Variants in ABCG8 observed in about 807,000 individuals in gnomAD.
The protein encoded by ABCG8 is ATP-binding cassette sub-family G member 8.
Under a neutral mutation model 71.3 loss-of-function variants are expected in ABCG8, and 81 were observed. The ratio of observed to expected loss-of-function variants is 1.14; its 90% CI spans 0.95 to 1.37. ABCG8 has a LOEUF of 1.37. ABCG8 is among the 40% of genes most tolerant of loss of function. The pLI is 0.00. For missense variants in ABCG8, 1,119 were observed against 866.2 expected (o/e 1.29, Z -3.66); for synonymous variants, 451 against 354.7 (o/e 1.27, Z -3.05).
At chr2:43,855,912 G>A (rs1191834735) in intron 6 of ABCG8, among the ~76,000 whole-genome samples, 2 of 151,368 alleles carry the variant, frequency 1.3e-5, no homozygotes, top group Non-Finnish European at 2.9e-5. Flanking sequence ...CTCACCATGT[G>A]TATTGATCTC....
rs763640657 is a variant in ABCG8, at chr2:43,875,190, C to T, written c.1533C>T (p.Tyr511=). 2.7e-5 allele frequency: 43 copies of T among 1,614,234 alleles called. No individual in the cohort carries two copies. Among genetic ancestry groups the T allele is most frequent in the Non-Finnish European group, 3.0e-5 (35 of 1,180,046 alleles). ...LPEHCAYIII[Y]GMPTYWLANL... ...AGCACTGTGCCTACATCATCATCTA[C>T]GGGATGCCCACCTACTGGCTGGCCA... The change falls in exon 11 of 13, where the codon TAC becomes TAT. Residue 511 remains tyrosine, a synonymous_variant. Coordinates refer to ENST00000272286, the MANE Select transcript of ABCG8 (RefSeq NM_022437.3).
intron 2 of ABCG8, 45 bp from the exon 3 acceptor site, chr2:43,846,110 T>C: frequency 6.2e-7 from 1 of 1,609,906 alleles, no homozygotes; most frequent in Non-Finnish European, 8.5e-7. Context: ...TGAAGCCCTC[T>C]GAACCATTCA....
intron 3 of ABCG8, among the ~76,000 whole-genome samples, chr2:43,851,345 C>T (rs992882350): frequency 2.6e-5 from 4 of 152,218 alleles, no homozygotes; most frequent in East Asian, 1.9e-4. Flanking sequence ...GAACCCCCAG[C>T]GCCATCATGC....
At chr2:43,859,429 C>G (rs901929178) in intron 6 of ABCG8, among the ~76,000 whole-genome samples, 7 of 150,920 alleles carry the variant, frequency 4.6e-5, no homozygotes, top group Admixed American at 2.0e-4. Context: ...CTGCATAGAA[C>G]TCTCACTATC....
intron 3 of ABCG8, chr2:43,847,932 T>G (rs1040702719): frequency 6.6e-6 from 1 of 151,734 alleles, no homozygotes; most frequent in African/African-American, 2.4e-5. Context: ...GGCTCATTTT[T>G]TTTTGTATTT....
rs762440574 is a variant in ABCG8 at position 43,851,782 on chromosome 2, G to T, written c.521G>T (p.Arg174Leu). ...ACCTTGGCCTTCATTGCCCAGATGC[G>T]GCTGCCCAGAACCTTCTCCCAGGCC... ...RETLAFIAQM[R>L]LPRTFSQAQR... The change falls in exon 4 of 13, where the codon CGG (arginine) becomes CTG (leucine). Residue 174 changes from arginine to leucine, a missense_variant. By Grantham distance (102) the Arg-to-Leu change is moderately radical (BLOSUM62 -2). Transcript: ENST00000272286. 19 of 1,614,058 alleles carry T rather than the reference G, an allele frequency of 1.2e-5. No individual in the cohort carries two copies. In the Admixed American group the frequency reaches 3.2e-4, roughly 27 times the overall value.
rs59450458 is a variant in ABCG8, at chr2:43,874,528, T to C, written c.1488+45T>C. 9.5e-4 allele frequency: 1,397 copies of C among 1,472,540 alleles called. 14 individuals are homozygous for C. The African/African-American group carries it at 0.018, about 18-fold the overall frequency. The allele number at this position is 1,472,540 out of a possible 1,614,324, so 91.2% of individuals were successfully genotyped here. A position where few individuals can be genotyped will look rare whatever the true frequency, so the allele number is the denominator to read the frequency against. On this transcript the variant is annotated intron_variant, in intron 10 of 12. Coordinates refer to ENST00000272286, the MANE Select transcript of ABCG8 (RefSeq NM_022437.3). ...AGCAAGTGCCCCCCACCCACCAGGG[T>C]GGGGGTAAGTGTGGAGAAAACGTTG...
rs1669267581 is a variant in ABCG8, at chr2:43,860,367, A to C, written c.964+7499A>C. On this transcript the variant is annotated intron_variant, in intron 6 of 12. Transcript: ENST00000272286. ...CTCTCACTATTTGGATAGAATTCTCACTATCTGGATAAAAGTCTCACTCTC... is the reference window on the plus strand; with the variant it reads ...CTCTCACTATTTGGATAGAATTCTCCCTATCTGGATAAAAGTCTCACTCTC... Among the ~76,000 whole-genome samples, 5 of 148,298 alleles carry C rather than the reference A, an allele frequency of 3.4e-5. No individual in the cohort carries two copies. The South Asian group carries it at 1.1e-3, about 32-fold the overall frequency.
intron 6 of ABCG8, among the ~76,000 whole-genome samples, chr2:43,858,026 A>G (rs1390122087): frequency 2.0e-5 from 3 of 149,836 alleles, no homozygotes; most frequent in South Asian, 2.1e-4. Flanking sequence ...CTCTCAATAT[A>G]TATCTGGATA....
intron 2 of ABCG8, 101 bp downstream of exon 2, chr2:43,844,709 G>A: frequency 1.1e-6 from 1 of 875,462 alleles, no homozygotes. Context: ...CAGGCCCTCT[G>A]CCCGCAAGGA....
intron 6 of ABCG8, among the ~76,000 whole-genome samples, chr2:43,866,533 A>G (rs1669537596): frequency 6.6e-6 from 1 of 152,154 alleles, no homozygotes; most frequent in Non-Finnish European, 1.5e-5. Context: ...AAAGTGGGCG[A>G]AGGACATGAA....
intron 6 of ABCG8, among the ~76,000 whole-genome samples, chr2:43,863,996 C>T (rs1222206597): frequency 6.6e-6 from 1 of 151,522 alleles, no homozygotes; most frequent in Non-Finnish European, 1.5e-5. Flanking sequence ...ATATAATTCT[C>T]ACTCTCTGGG....
intron 2 of ABCG8, 98 bp from the exon 3 acceptor site, chr2:43,846,057 G>C: frequency 1.5e-6 from 2 of 1,341,176 alleles, no homozygotes; most frequent in Non-Finnish European, 2.1e-6. Flanking sequence ...ATCCTCTGTG[G>C]AGAGGGGCCA....
intron 6 of ABCG8, among the ~76,000 whole-genome samples, chr2:43,859,771 T>C (rs532471898): frequency 6.6e-6 from 1 of 150,452 alleles, no homozygotes; most frequent in East Asian, 2.0e-4. Flanking sequence ...CTGGATAGAA[T>C]TCTCGCTTGC....
chr2:43,874,295 G>C, intron 9 of ABCG8, 112 bp from the exon 10 acceptor site: 1 of 1,006,278 alleles, frequency 9.9e-7, no homozygotes, highest in Non-Finnish European at 1.6e-6. Context: ...AAAAATTAGA[G>C]ACTTGGGCAA....
In ABCG8 at chr2:43,874,414, A is replaced by G; in HGVS notation, c.1419A>G (p.Ser473=). The change falls in exon 10 of 13, where the codon TCA becomes TCG. Residue 473 remains serine, a synonymous_variant. Transcript: ENST00000272286. ...VILDVISKCY[S]ERAMLYYELE... ...CTTTCCCTTACTTTTTAGGTTACTCAGAGAGGGCAATGCTTTACTATGAAC... is the reference window on the plus strand; with the variant it reads ...CTTTCCCTTACTTTTTAGGTTACTCGGAGAGGGCAATGCTTTACTATGAAC... 2 of 1,611,232 alleles carry G rather than the reference A, an allele frequency of 1.2e-6. No individual in the cohort carries two copies. The highest frequency in any genetic ancestry group is 8.5e-7 in the Non-Finnish European group (1 of 1,177,468).
Position 43,854,626 on chromosome 2 carries a change from C to CAAAAA in ABCG8, c.964+1773_964+1777dup, listed in dbSNP as rs759609173. On this transcript the variant is annotated intron_variant, in intron 6 of 12. Coordinates refer to ENST00000272286, the MANE Select transcript of ABCG8 (RefSeq NM_022437.3). ...TGGGCGATAGAGTGAGACTCCATCTCAAAAAAAAAAAAAAAAAAAGGATAT... is the reference window on the plus strand; with the variant it reads ...TGGGCGATAGAGTGAGACTCCATCTCAAAAAAAAAAAAAAAAAAAAAAAAGGATAT... Among the ~76,000 whole-genome samples the CAAAAA allele has an allele frequency of 2.9e-3, 217 of 74,718 alleles. 2 individuals carry two copies. The highest frequency in any genetic ancestry group is 0.01 in the African/African-American group (189 of 18,424). The allele number at this position is 74,718 out of a possible 152,430, so 49.0% of individuals were successfully genotyped here.
At position 43,873,853 on chromosome 2, in the gene ABCG8, G is replaced by C; in HGVS notation, c.1278G>C (p.Leu426=). The change falls in exon 9 of 13, where the codon CTG becomes CTC. Residue 426 remains leucine (L), a synonymous_variant. Transcript: ENST00000272286. ...TCATCCATGGGGCGGAGGCCTGTCT[G>C]ATGTCAATGACCATCGGCTTCCTCT... is the stretch of plus-strand genomic sequence containing the variant. The part of the protein sequence containing the change: ...TLLIHGAEAC[L]MSMTIGFLYF... 6.2e-7 allele frequency: 1 copy of C among 1,614,092 alleles called. No homozygotes were observed. Among genetic ancestry groups the C allele is most frequent in the Non-Finnish European group, 8.5e-7 (1 of 1,180,032 alleles).
chr2:43,875,354 T>G lies in ABCG8; in HGVS notation c.1697T>G (p.Leu566Arg), dbSNP rs1669926002. 2 of 1,614,034 alleles carry G rather than the reference T, an allele frequency of 1.2e-6. No individual in the cohort carries two copies. The highest frequency in any genetic ancestry group is 2.7e-5 in the African/African-American group (2 of 74,948). The stretch of plus-strand genomic sequence containing the variant: ...ATGGCCTCCTTCTTCAGCAATGCCC[T>G]CTACAACTCCTTCTACCTCGCCGGG... ...FHMASFFSNA[L>R]YNSFYLAGGF... The change falls in exon 11 of 13, where the codon CTC becomes CGC. Residue 566 changes from leucine to arginine, a missense_variant. By Grantham distance (102) the Leu-to-Arg change is moderately radical. Coordinates refer to ENST00000272286, the MANE Select transcript of ABCG8 (RefSeq NM_022437.3).
Sources: allele counts gnomAD v4.1 joint callset (sites outside exome capture counted in the v4.1 genomes callset), GRCh38; gene constraint gnomAD v4.1.1; transcripts MANE v1.5; gene names NCBI Gene and HGNC (gene_info 2026-07-23, HGNC 2026-07-21).